The following LRRC58 variants were observed in gnomAD, a reference collection of about 807,000 sequenced individuals.
LRRC58 encodes leucine rich repeat containing 58.
LRRC58 carries 18 observed loss-of-function variants against 30.6 expected under a neutral mutation model. That is an observed-to-expected ratio of 0.59 (90% CI 0.41 to 0.87). The LOEUF is 0.87. LRRC58 is among the 40% of genes least tolerant of loss of function. The probability of loss-of-function intolerance (pLI) is 0.00; values close to 1 mark genes in which losing one functional copy is unlikely to be tolerated. For synonymous variants in LRRC58, 221 were observed against 206.0 expected, an observed-to-expected ratio of 1.07 and a Z score of -0.62; for missense variants, 420 against 468.4, an observed-to-expected ratio of 0.90 and a Z score of 0.95.
At chr3:120,347,175 C>T (rs1935978543) in intron 1 of LRRC58, among the ~76,000 whole-genome samples, 1 of 152,046 alleles carries the variant, frequency 6.6e-6, no homozygotes, top group South Asian at 2.1e-4. Flanking sequence ...ATCATGTTCA[C>T]CATTGTATCC....
In LRRC58 at chr3:120,337,115, T is replaced by C. The variant is rs565060008; in HGVS notation, c.501-1162A>G. Among the ~76,000 whole-genome samples the C allele has an allele frequency of 8.5e-5, 13 of 152,280 alleles. No individual in the cohort carries two copies. The South Asian group carries it at 1.4e-3, about 17-fold the overall frequency. ...GACCCCATCCAGATGCACTAAATACTGTCTCCCTCCCTTGAATTGCCTGTG... is the reference window on the plus strand; with the variant it reads ...GACCCCATCCAGATGCACTAAATACCGTCTCCCTCCCTTGAATTGCCTGTG... On this transcript the variant is annotated intron_variant, in intron 1 of 3. Transcript: ENST00000295628.
At position 120,328,943 on chromosome 3, in the gene LRRC58, T is replaced by C. The variant is rs1935717704; in HGVS notation, c.*2257A>G. 1 of 152,192 alleles carries C rather than the reference T, an allele frequency of 6.6e-6. No individual in the cohort carries two copies. Among genetic ancestry groups the C allele is most frequent in the Non-Finnish European group, 1.5e-5 (1 of 68,006 alleles). The allele number at this position is 152,192 out of a possible 1,614,324, so 9.4% of individuals were successfully genotyped here. On this transcript the variant is annotated 3_prime_UTR_variant, in exon 4 of 4. Coordinates refer to ENST00000295628, the MANE Select transcript of LRRC58 (RefSeq NM_001099678.2). ...ACTGTGGTATACATCTATATTCTTA[T>C]ATGCAAAGGCCAGAAACTGTCTCTG...
At chr3:120,334,474 C>T (rs1363252438) in intron 3 of LRRC58, among the ~76,000 whole-genome samples, 1 of 151,932 alleles carries the variant, frequency 6.6e-6, no homozygotes, top group African/African-American at 2.4e-5. Context: ...CGCCACTGCA[C>T]TCCAGCCTGG....
At chr3:120,339,971 C>A (rs1421295855) in intron 1 of LRRC58, among the ~76,000 whole-genome samples, 2 of 152,084 alleles carry the variant, frequency 1.3e-5, no homozygotes, top group Non-Finnish European at 2.9e-5. Flanking sequence ...TCAAGCAATT[C>A]TACCTCAGCC....
intron 1 of LRRC58, among the ~76,000 whole-genome samples, chr3:120,343,182 A>G (rs946751209): frequency 3.3e-5 from 5 of 152,342 alleles, no homozygotes; most frequent in South Asian, 2.1e-4. Flanking sequence ...CTCTTTTGCA[A>G]TTGATGAATA....
chr3:120,337,365 CCTAA>C (rs1218276397), intron 1 of LRRC58, among the ~76,000 whole-genome samples: 4 of 152,054 alleles, frequency 2.6e-5, no homozygotes, highest in Non-Finnish European at 4.4e-5. Context: ...TCTGTAGGTC[CCTAA>C]CTATTAGTGA....
At chr3:120,336,259 G>C (rs1445677098) in intron 1 of LRRC58, among the ~76,000 whole-genome samples, 3 of 152,162 alleles carry the variant, frequency 2.0e-5, no homozygotes, top group Non-Finnish European at 4.4e-5. Context: ...TGAATGAAAA[G>C]GAAGATAAAA....
At chr3:120,347,777 T>C (rs950389639) in intron 1 of LRRC58, among the ~76,000 whole-genome samples, 3 of 152,224 alleles carry the variant, frequency 2.0e-5, no homozygotes, top group Admixed American at 6.5e-5. Flanking sequence ...TACAATAAAG[T>C]GTGAAAATAT....
At chr3:120,336,541 T>C (rs1484020091) in intron 1 of LRRC58, among the ~76,000 whole-genome samples, 1 of 152,180 alleles carries the variant, frequency 6.6e-6, no homozygotes, top group African/African-American at 2.4e-5. Flanking sequence ...TGACAGGCAA[T>C]GGGAAAACCA....
chr3:120,325,463 A>G lies in LRRC58; in HGVS notation c.*5737T>C, dbSNP rs976847111. 3.7e-4 allele frequency: 56 copies of G among 152,216 alleles called. No individual in the cohort carries two copies. The highest frequency in any genetic ancestry group is 1.3e-3 in the African/African-American group (53 of 41,452). 9.4% of individuals were successfully genotyped at this position (152,216 alleles called of 1,614,324 possible). A position where few individuals can be genotyped will look rare whatever the true frequency, so the allele number is the denominator to read the frequency against. ...ATTAAACTAATACACTTTAATATTT[A>G]CTGGATTGAATACTATCCTTTACAA... On this transcript the variant is annotated 3_prime_UTR_variant, in exon 4 of 4. Transcript: ENST00000295628.
intron 1 of LRRC58, among the ~76,000 whole-genome samples, chr3:120,342,493 GAGAGCTTCAGAGACCTCCA>G (rs1935916767): frequency 6.6e-6 from 1 of 152,278 alleles, no homozygotes; most frequent in South Asian, 2.1e-4. Flanking sequence ...CCTCTCAGCT[GAGAGCTTCAGAGACCTCCA>G]AGAGCTTCAG....
intron 1 of LRRC58, among the ~76,000 whole-genome samples, chr3:120,345,938 T>C (rs1241144792): frequency 2.0e-5 from 3 of 152,152 alleles, no homozygotes. Flanking sequence ...ATCCTCCTGA[T>C]CACAAATCCA....
chr3:120,342,613 G>T (rs191708322), intron 1 of LRRC58, among the ~76,000 whole-genome samples: 37 of 152,236 alleles, frequency 2.4e-4, no homozygotes, highest in Admixed American at 1.5e-3. Flanking sequence ...CACTTGAAGG[G>T]ACCACCTGCC....
At position 120,324,801 on chromosome 3, in the gene LRRC58, T is replaced by A. The variant is rs184498984; in HGVS notation, c.*6399A>T. ...AATTTGATATTAATATAATAAACAA[T>A]AACTTATCCTAAATATAAAAATTGT... On this transcript the variant is annotated 3_prime_UTR_variant, in exon 4 of 4. Transcript: ENST00000295628. 3 of 152,296 alleles carry A rather than the reference T, an allele frequency of 2.0e-5. No individual in the cohort carries two copies. The highest frequency in any genetic ancestry group is 6.5e-5 in the Admixed American group (1 of 15,292). The allele number at this position is 152,296 out of a possible 1,614,324, so 9.4% of individuals were successfully genotyped here. A position where few individuals can be genotyped will look rare whatever the true frequency, so the allele number is the denominator to read the frequency against.
chr3:120,341,334 A>G (rs1413098820), intron 1 of LRRC58, among the ~76,000 whole-genome samples: 2 of 152,340 alleles, frequency 1.3e-5, no homozygotes, highest in East Asian at 3.9e-4. Context: ...ACTATCAGGG[A>G]AAAAAACTGA....
At chr3:120,344,714 T>C (rs989698424) in intron 1 of LRRC58, among the ~76,000 whole-genome samples, 2 of 152,218 alleles carry the variant, frequency 1.3e-5, no homozygotes, top group Non-Finnish European at 2.9e-5. Flanking sequence ...TCCAAATATC[T>C]AGCATACTGG....
chr3:120,344,812 A>T (rs889749178), intron 1 of LRRC58, among the ~76,000 whole-genome samples: 5 of 152,222 alleles, frequency 3.3e-5, no homozygotes, highest in African/African-American at 9.6e-5. Flanking sequence ...TCCTCAATTA[A>T]TATCTAACCT....
chr3:120,348,714 C>T (rs1168100625), intron 1 of LRRC58, 30 bp downstream of exon 1: 1 of 1,511,360 alleles, frequency 6.6e-7, no homozygotes, highest in Non-Finnish European at 8.9e-7. Flanking sequence ...CGCCCGAGGC[C>T]TCCCCACCCT....
At chr3:120,345,985 C>T (rs1262874128) in intron 1 of LRRC58, among the ~76,000 whole-genome samples, 2 of 152,246 alleles carry the variant, frequency 1.3e-5, no homozygotes, top group African/African-American at 4.8e-5. Context: ...GGGTGCAGTG[C>T]CTCACGCCTG....
Sources: gnomAD v4.1 joint callset for allele counts (sites outside exome capture counted in the v4.1 genomes callset) on GRCh38, gnomAD v4.1.1 for gene constraint, MANE v1.5 for transcripts, NCBI Gene and HGNC (gene_info 2026-07-23, HGNC 2026-07-21) for gene names.